IQCH: variants seen among roughly 807,000 people sequenced by gnomAD.
The protein encoded by IQCH is IQ motif containing H.
In IQCH, 98 loss-of-function variants were observed where a neutral mutation model predicts 117.0. The ratio of observed to expected loss-of-function variants is 0.84; its 90% CI spans 0.71 to 0.99. The LOEUF is 0.99. Among genes scored for constraint, IQCH ranks in the 50% least tolerant of loss-of-function variants. The pLI is 0.00. For missense variants in IQCH, 1,102 were observed against 1,243.8 expected (o/e 0.89, Z 1.72); for synonymous variants, 412 against 448.2 (o/e 0.92, Z 1.02).
intron 8 of IQCH, among the ~76,000 whole-genome samples, chr15:67,361,240 T>C (rs1224312906): frequency 6.6e-6 from 1 of 152,230 alleles, no homozygotes; most frequent in East Asian, 1.9e-4. Context: ...ACTGCTCCTG[T>C]TACTACTGCT....
chr15:67,497,606 G>A (rs2083857336), intron 20 of IQCH, among the ~76,000 whole-genome samples: 1 of 152,054 alleles, frequency 6.6e-6, no homozygotes. Flanking sequence ...CAATTCGGCT[G>A]CCTCAGCCTC....
rs62016030 is a variant in IQCH at position 67,433,534 on chromosome 15, C to G, written c.2505+11957C>G. Among the ~76,000 whole-genome samples the G allele has an allele frequency of 0.075, 11,402 of 152,222 alleles. 585 individuals carry two copies. Among genetic ancestry groups the G allele is most frequent in the East Asian group, 0.13 (664 of 5,186 alleles). On this transcript the variant is annotated intron_variant, in intron 16 of 20. Coordinates refer to ENST00000335894, the MANE Select transcript of IQCH (RefSeq NM_001031715.3). This position sits in a 1 kb window ranked among gnomAD's most constrained non-coding sequence, Gnocchi z 5.4. ...ACGGACCTAATTCCTCTGTTTACAT[C>G]AGCTGTTCCCCCAGGACTTCCTCAA...
In IQCH at chr15:67,490,353, G is replaced by A. The variant is rs191007973; in HGVS notation, c.2861+289G>A. Among the ~76,000 whole-genome samples the A allele has an allele frequency of 3.4e-4, 51 of 152,000 alleles. No individual in the cohort carries two copies. Among genetic ancestry groups the A allele is most frequent in the East Asian group, 1.5e-3 (8 of 5,166 alleles). The stretch of plus-strand genomic sequence containing the variant: ...CCCAAGTAGCTGGGATTACAGGTGC[G>A]TGCCACCATGCCCAGCTAATTTTTG... On this transcript the variant is annotated intron_variant, in intron 19 of 20. Coordinates refer to ENST00000335894, the MANE Select transcript of IQCH (RefSeq NM_001031715.3). The surrounding 1 kb of genome is among the most constrained non-coding windows in gnomAD (Gnocchi z 4.9).
chr15:67,290,990 T>G (rs893117963), intron 4 of IQCH, among the ~76,000 whole-genome samples: 2 of 152,178 alleles, frequency 1.3e-5, no homozygotes, highest in African/African-American at 4.8e-5. Flanking sequence ...TAGGATTTTC[T>G]GCACAAGAAG....
At chr15:67,279,998 A>G (rs1046560897) in intron 4 of IQCH, among the ~76,000 whole-genome samples, 3 of 152,118 alleles carry the variant, frequency 2.0e-5, no homozygotes, top group Admixed American at 1.3e-4. Flanking sequence ...CCAGGGCGAC[A>G]GAGCGAGACT....
chr15:67,319,462 A>G (rs1432724684), intron 4 of IQCH, among the ~76,000 whole-genome samples: 1 of 152,294 alleles, frequency 6.6e-6, no homozygotes, highest in South Asian at 2.1e-4. Context: ...AGTTCTCACC[A>G]TCCATAATTC....
In IQCH at chr15:67,388,164, T is replaced by G. The variant is rs901045985; in HGVS notation, c.1457-667T>G. ...TCACTATTCCATTTGGATGGGATAT[T>G]TAATTAGGGTTTCTTGCTATGTTAC... On this transcript the variant is annotated intron_variant, in intron 11 of 20. Transcript: ENST00000335894. The surrounding 1 kb of genome is among the most constrained non-coding windows in gnomAD (Gnocchi z 5.5). Among the ~76,000 whole-genome samples, 2 of 152,222 alleles carry G rather than the reference T, an allele frequency of 1.3e-5. No homozygotes were observed. Among genetic ancestry groups the G allele is most frequent in the African/African-American group, 4.8e-5 (2 of 41,452 alleles).
rs1970031902 is a variant in IQCH, at chr15:67,359,172, T to A, written c.715-675T>A. Among the ~76,000 whole-genome samples, 1 of 152,200 alleles carries A rather than the reference T, an allele frequency of 6.6e-6. No homozygotes were observed. Among genetic ancestry groups the A allele is most frequent in the African/African-American group, 2.4e-5 (1 of 41,438 alleles). On this transcript the variant is annotated intron_variant, in intron 7 of 20. Transcript: ENST00000335894. This position sits in a 1 kb window ranked among gnomAD's most constrained non-coding sequence, Gnocchi z 4.5. ...TTGGAGCGCTCAGGTCCCACAGTTTTATAGATAACAGATCTACAGGTAATA... is the reference window on the plus strand; with the variant it reads ...TTGGAGCGCTCAGGTCCCACAGTTTAATAGATAACAGATCTACAGGTAATA...
rs1445826049 is a variant in IQCH at position 67,481,356 on chromosome 15, G to T, written c.2799+5538G>T. On this transcript the variant is annotated intron_variant, in intron 18 of 20. Transcript: ENST00000335894. This position sits in a 1 kb window ranked among gnomAD's most constrained non-coding sequence, Gnocchi z 4.1. The stretch of plus-strand genomic sequence containing the variant: ...CACATTCTTCTTCACAAAATGGCAG[G>T]AGAGAGAAGTGCCGAGCAAAGGGGG... Among the ~76,000 whole-genome samples, 1 of 152,162 alleles carries T rather than the reference G, an allele frequency of 6.6e-6. No individual in the cohort carries two copies. The highest frequency in any genetic ancestry group is 1.9e-4 in the East Asian group (1 of 5,192).
chr15:67,307,242 A>T (rs1339208798), intron 4 of IQCH: 1 of 726,056 alleles, frequency 1.4e-6, no homozygotes, highest in Non-Finnish European at 1.7e-6. Flanking sequence ...TCTTTTATTT[A>T]TTCATGAGGT....
rs1343050317 is a variant in IQCH at position 67,295,052 on chromosome 15, GT to G, written c.387+15541del. ...AGCTGATAAGTGCTATCACTTTTCTGTAGCAAAATCACTTTCTTATCCCTTG... is the reference window on the plus strand; with the variant it reads ...AGCTGATAAGTGCTATCACTTTTCTGAGCAAAATCACTTTCTTATCCCTTG... On this transcript the variant is annotated intron_variant, in intron 4 of 20. Coordinates refer to ENST00000335894, the MANE Select transcript of IQCH (RefSeq NM_001031715.3). Among the ~76,000 whole-genome samples the G allele has an allele frequency of 2.0e-5, 3 of 152,292 alleles. No homozygotes were observed. The East Asian group carries it at 5.8e-4, about 29-fold the overall frequency.
intron 16 of IQCH, among the ~76,000 whole-genome samples, chr15:67,451,021 A>G (rs2082510858): frequency 2.0e-5 from 3 of 152,138 alleles, no homozygotes; most frequent in South Asian, 2.1e-4. Flanking sequence ...AGAGGTGTTT[A>G]TAGTATTCTC....
Position 67,443,301 on chromosome 15 carries a change from TTATTC to T in IQCH, c.2505+21727_2505+21731del, listed in dbSNP as rs1182863421. Among the ~76,000 whole-genome samples, 1 of 152,204 alleles carries T rather than the reference TTATTC, an allele frequency of 6.6e-6. No homozygotes were observed. Among genetic ancestry groups the T allele is most frequent in the Non-Finnish European group, 1.5e-5 (1 of 68,040 alleles). On this transcript the variant is annotated intron_variant, in intron 16 of 20. Coordinates refer to ENST00000335894, the MANE Select transcript of IQCH (RefSeq NM_001031715.3). The surrounding 1 kb of genome is among the most constrained non-coding windows in gnomAD (Gnocchi z 5.0). Reference sequence around the variant, plus strand: ...GCCACTGCGCCCAGCCTGGAGACTGTTATTCTAAGTGAAGTAACTCAGGAATGGAA... The same window carrying T: ...GCCACTGCGCCCAGCCTGGAGACTGTTAAGTGAAGTAACTCAGGAATGGAA...
chr15:67,448,157 C>CTGTGTGTG (rs113292992), intron 16 of IQCH, among the ~76,000 whole-genome samples: 16 of 147,680 alleles, frequency 1.1e-4, no homozygotes, highest in Middle Eastern at 6.9e-3. Flanking sequence ...CTAAGTGACT[C>CTGTGTGTG]TGTGTGTGTG....
intron 16 of IQCH, among the ~76,000 whole-genome samples, chr15:67,435,312 G>C (rs531466487): frequency 1.3e-5 from 2 of 152,254 alleles, no homozygotes; most frequent in African/African-American, 4.8e-5. Flanking sequence ...TATGTAGGCA[G>C]GGTGTGTAAT....
intron 3 of IQCH, among the ~76,000 whole-genome samples, chr15:67,263,522 A>T (rs559354942): frequency 1.3e-5 from 2 of 152,278 alleles, no homozygotes; most frequent in East Asian, 3.9e-4. Context: ...TAGAATTTGG[A>T]CTTCAATGAA....
At chr15:67,334,286 C>G (rs142123122) in intron 4 of IQCH, among the ~76,000 whole-genome samples, 244 of 152,220 alleles carry the variant, frequency 1.6e-3, no homozygotes, top group Admixed American at 2.2e-3. Context: ...TGAATCCTTT[C>G]AGGCGATCAG....
At chr15:67,449,144 G>A (rs1392850353) in intron 16 of IQCH, among the ~76,000 whole-genome samples, 2 of 151,484 alleles carry the variant, frequency 1.3e-5, no homozygotes, top group African/African-American at 4.8e-5. Flanking sequence ...AGATGAGTAG[G>A]TTGCAAAAAT....
rs1970444426 is a variant in IQCH, at chr15:67,369,422, C to A, written c.754-2689C>A. ...GCTAGAAGGAAAAAAAAATTGCCGT[C>A]AAGTCAGTAATATCATATTGGGAGT... On this transcript the variant is annotated intron_variant, in intron 8 of 20. Coordinates refer to ENST00000335894, the MANE Select transcript of IQCH (RefSeq NM_001031715.3). This position sits in a 1 kb window ranked among gnomAD's most constrained non-coding sequence, Gnocchi z 5.2. Among the ~76,000 whole-genome samples the A allele has an allele frequency of 6.7e-6, 1 of 150,168 alleles. No individual in the cohort carries two copies.
Sources: gnomAD v4.1 joint callset for allele counts (sites outside exome capture counted in the v4.1 genomes callset) on GRCh38, gnomAD v4.1.1 for gene constraint, Gnocchi (gnomAD v3.1) non-coding constraint, MANE v1.5 for transcripts, NCBI Gene and HGNC (gene_info 2026-07-23, HGNC 2026-07-21) for gene names.